Variants in AGBL1 observed in about 807,000 individuals in gnomAD.
AGBL1 encodes cytosolic carboxypeptidase 4.
A neutral mutation model predicts 118.9 loss-of-function variants in AGBL1; 130 were observed. The observed-to-expected ratio is 1.09, with a 90% CI of 0.95 to 1.26. AGBL1 has a LOEUF of 1.26. Ranked by LOEUF, AGBL1 falls within the 50% of genes most tolerant of loss-of-function variation. The pLI is 0.00. For missense variants in AGBL1, 1,584 were observed against 1,298.1 expected, an observed-to-expected ratio of 1.22 and a Z score of -3.38; for synonymous variants, 555 against 478.9, an observed-to-expected ratio of 1.16 and a Z score of -2.08.
At chr15:86,185,862 A>T (rs2077624266) in intron 5 of AGBL1, among the ~76,000 whole-genome samples, 2 of 152,164 alleles carry the variant, frequency 1.3e-5, no homozygotes, top group Non-Finnish European at 2.9e-5. Flanking sequence ...ATATGTAACT[A>T]ACCTGCACGT....
chr15:86,895,174 C>A (rs939432008), intron 22 of AGBL1, among the ~76,000 whole-genome samples: 1 of 146,996 alleles, frequency 6.8e-6, no homozygotes, highest in South Asian at 2.1e-4. Flanking sequence ...TTTCTCTTTC[C>A]CCCCTCTTTT....
chr15:86,233,752 T>G (rs1185735561), intron 6 of AGBL1, among the ~76,000 whole-genome samples: 1 of 152,180 alleles, frequency 6.6e-6, no homozygotes. Context: ...ATCCAAAATA[T>G]TGTTCTCATC....
chr15:86,359,667 C>T (rs1436902241), intron 17 of AGBL1, among the ~76,000 whole-genome samples: 1 of 151,714 alleles, frequency 6.6e-6, no homozygotes, highest in South Asian at 2.1e-4. Context: ...TTCTTACAAT[C>T]CTTGAACAAG....
At chr15:86,789,234 T>C (rs1174268805) in intron 22 of AGBL1, among the ~76,000 whole-genome samples, 1 of 152,192 alleles carries the variant, frequency 6.6e-6, no homozygotes, top group African/African-American at 2.4e-5. Flanking sequence ...AACACTTCCA[T>C]AGGCTCCATT....
intron 20 of AGBL1, among the ~76,000 whole-genome samples, chr15:86,553,467 C>T (rs1229287385): frequency 1.3e-5 from 2 of 152,118 alleles, no homozygotes; most frequent in Non-Finnish European, 2.9e-5. Context: ...GATGGATTTT[C>T]AGGAGTTTCA....
At chr15:86,414,471 G>A (rs1271669345) in intron 18 of AGBL1, among the ~76,000 whole-genome samples, 2 of 152,218 alleles carry the variant, frequency 1.3e-5, no homozygotes, top group Admixed American at 6.5e-5. Flanking sequence ...GAAGAAGAGT[G>A]ATAGTATCTC....
chr15:86,705,043 A>T (rs868468753), intron 22 of AGBL1, among the ~76,000 whole-genome samples: 1 of 152,168 alleles, frequency 6.6e-6, no homozygotes, highest in South Asian at 2.1e-4. Context: ...CAGAAAAATC[A>T]AACACTGCAT....
At chr15:86,724,399 C>A (rs79863333) in intron 22 of AGBL1, among the ~76,000 whole-genome samples, 1 of 151,968 alleles carries the variant, frequency 6.6e-6, no homozygotes, top group East Asian at 1.9e-4. Context: ...TTATGACAAG[C>A]ATTAGATTGA....
At chr15:86,983,441 C>G (rs566050888) in intron 23 of AGBL1, among the ~76,000 whole-genome samples, 1 of 152,144 alleles carries the variant, frequency 6.6e-6, no homozygotes, top group Non-Finnish European at 1.5e-5. Flanking sequence ...AAACACCTAC[C>G]TTATGACCTG....
intron 22 of AGBL1, among the ~76,000 whole-genome samples, chr15:86,681,885 T>C (rs1178171830): frequency 6.6e-6 from 1 of 152,178 alleles, no homozygotes; most frequent in East Asian, 1.9e-4. Flanking sequence ...GCCCTACTAA[T>C]GTCTATGGGC....
chr15:86,235,691 A>G (rs1186789252), intron 6 of AGBL1, among the ~76,000 whole-genome samples: 4 of 115,884 alleles, frequency 3.5e-5, no homozygotes, highest in Non-Finnish European at 7.5e-5. Context: ...ATACAATCTC[A>G]TTTAATCTTC....
chr15:86,884,874 T>C (rs1011965113), intron 22 of AGBL1, among the ~76,000 whole-genome samples: 4 of 152,190 alleles, frequency 2.6e-5, no homozygotes, highest in African/African-American at 9.6e-5. Flanking sequence ...TTAAAGTGTC[T>C]CACAAAATGC....
At chr15:86,807,241 C>T (rs553017822) in intron 22 of AGBL1, among the ~76,000 whole-genome samples, 1 of 152,240 alleles carries the variant, frequency 6.6e-6, no homozygotes, top group South Asian at 2.1e-4. Flanking sequence ...AATAGACAGC[C>T]AGGGTCTGGG....
chr15:86,515,551 C>T (rs1328787195), intron 18 of AGBL1, among the ~76,000 whole-genome samples: 1 of 152,084 alleles, frequency 6.6e-6, no homozygotes, highest in Non-Finnish European at 1.5e-5. Flanking sequence ...CCTATTCTAA[C>T]AATTTTTTGT....
chr15:86,182,476 T>A (rs990118309), intron 5 of AGBL1, among the ~76,000 whole-genome samples: 1 of 152,150 alleles, frequency 6.6e-6, no homozygotes, highest in African/African-American at 2.4e-5. Flanking sequence ...TATTCTTAGA[T>A]TTATGGTCTC....
intron 17 of AGBL1, among the ~76,000 whole-genome samples, chr15:86,323,847 C>G (rs2080142711): frequency 1.3e-5 from 2 of 152,198 alleles, no homozygotes; most frequent in African/African-American, 2.4e-5. Flanking sequence ...AATGGACTTA[C>G]CACTACTGAC....
chr15:86,412,400 T>C (rs1417861740), intron 18 of AGBL1, among the ~76,000 whole-genome samples: 3 of 152,246 alleles, frequency 2.0e-5, no homozygotes, highest in African/African-American at 7.2e-5. Flanking sequence ...CTATTTCTGA[T>C]AGTCATCTTT....
At chr15:86,922,927 T>G (rs188319495) in intron 23 of AGBL1, among the ~76,000 whole-genome samples, 8 of 152,288 alleles carry the variant, frequency 5.3e-5, no homozygotes, top group African/African-American at 1.9e-4. Context: ...TTATCACAGC[T>G]GTGGTAGAAG....
At chr15:86,548,267 A>C (rs2083613023) in intron 20 of AGBL1, among the ~76,000 whole-genome samples, 2 of 152,084 alleles carry the variant, frequency 1.3e-5, no homozygotes, top group African/African-American at 4.8e-5. Context: ...CTTATCTAAG[A>C]CTTTATTTGG....
Sources: allele counts gnomAD v4.1 joint callset (sites outside exome capture counted in the v4.1 genomes callset), GRCh38; gene constraint gnomAD v4.1.1; transcripts MANE v1.5; gene names NCBI Gene and HGNC (gene_info 2026-07-23, HGNC 2026-07-21).